Variants in COL25A1 observed in about 807,000 individuals in gnomAD.
The protein encoded by COL25A1 is collagen alpha-1(XXV) chain.
In COL25A1, 103 loss-of-function variants were observed where a neutral mutation model predicts 128.4. The ratio of observed to expected loss-of-function variants is 0.80; its 90% CI spans 0.68 to 0.94. The LOEUF is 0.94. COL25A1 is among the 40% of genes least tolerant of loss of function. COL25A1 has a pLI of 0.00. For synonymous variants in COL25A1, 279 were observed against 277.2 expected (o/e 1.01, Z -0.06); for missense variants, 745 against 840.0 (o/e 0.89, Z 1.40).
At chr4:109,097,458 C>T (rs62313720) in intron 3 of COL25A1, among the ~76,000 whole-genome samples, 5,380 of 143,688 alleles carry the variant, frequency 0.037, 150 homozygotes, top group Middle Eastern at 0.096. Context: ...AAAAAAACCA[C>T]AAAAATTAGC....
At chr4:109,076,656 A>T (rs565434876) in intron 3 of COL25A1, among the ~76,000 whole-genome samples, 1 of 151,972 alleles carries the variant, frequency 6.6e-6, no homozygotes, top group African/African-American at 2.4e-5. Flanking sequence ...GCACTTTATT[A>T]TATGGTGATA....
At chr4:108,833,313 C>G (rs1469378343) in intron 31 of COL25A1, among the ~76,000 whole-genome samples, 3 of 152,242 alleles carry the variant, frequency 2.0e-5, no homozygotes, top group African/African-American at 7.2e-5. Flanking sequence ...AGGCTTACAA[C>G]TCACAAACCA....
At chr4:109,268,138 T>C (rs1781915547) in intron 3 of COL25A1, among the ~76,000 whole-genome samples, 1 of 152,234 alleles carries the variant, frequency 6.6e-6, no homozygotes, top group African/African-American at 2.4e-5. Context: ...CAATATATTA[T>C]AAAGAGCACA....
intron 5 of COL25A1, among the ~76,000 whole-genome samples, chr4:109,012,130 A>G (rs1247371342): frequency 6.6e-6 from 1 of 152,206 alleles, no homozygotes; most frequent in Non-Finnish European, 1.5e-5. Context: ...CTTTGACTTC[A>G]GCCTCCCAAG....
At chr4:109,176,305 G>A (rs545149009) in intron 3 of COL25A1, among the ~76,000 whole-genome samples, 9 of 152,244 alleles carry the variant, frequency 5.9e-5, no homozygotes, top group African/African-American at 2.2e-4. Flanking sequence ...CAGGGGAATC[G>A]CTTGAACCTG....
At chr4:108,942,146 T>C (rs1748187377) in intron 8 of COL25A1, 3 of 1,507,074 alleles carry the variant, frequency 2.0e-6, no homozygotes, top group Non-Finnish European at 2.7e-6. Flanking sequence ...AATTGAATGG[T>C]TCCTGCTCAC....
intron 6 of COL25A1, among the ~76,000 whole-genome samples, chr4:108,981,991 C>G (rs1168253604): frequency 6.6e-6 from 1 of 152,026 alleles, no homozygotes; most frequent in Non-Finnish European, 1.5e-5. Flanking sequence ...GTCAGGAGTT[C>G]GAGACCAGCC....
chr4:109,029,447 C>T (rs146937236), intron 5 of COL25A1, among the ~76,000 whole-genome samples: 1 of 152,282 alleles, frequency 6.6e-6, no homozygotes, highest in Non-Finnish European at 1.5e-5. Flanking sequence ...CACATCATCA[C>T]AGGAAGGGCG....
rs558687763 is a variant in COL25A1, at chr4:109,069,339, G to A, written c.368-19160C>T. Among the ~76,000 whole-genome samples, 12 of 151,820 alleles carry A rather than the reference G, an allele frequency of 7.9e-5. No homozygotes were observed. The East Asian group carries it at 2.1e-3, about 27-fold the overall frequency. Reference sequence around the variant, plus strand: ...CAATTCTCTCACCTGAGCCTCCCCAGTAGTTGGGACAGCAGGCATGCACCA... The same window carrying A: ...CAATTCTCTCACCTGAGCCTCCCCAATAGTTGGGACAGCAGGCATGCACCA... On this transcript the variant is annotated intron_variant, in intron 3 of 37. Transcript: ENST00000399132.
At chr4:109,012,716 G>C (rs186039389) in intron 5 of COL25A1, among the ~76,000 whole-genome samples, 1 of 152,174 alleles carries the variant, frequency 6.6e-6, no homozygotes, top group Non-Finnish European at 1.5e-5. Context: ...CCTCTCCGCC[G>C]GGCAGGGCTC....
intron 5 of COL25A1, among the ~76,000 whole-genome samples, chr4:109,011,594 C>T (rs1386274936): frequency 6.6e-6 from 1 of 152,160 alleles, no homozygotes; most frequent in Non-Finnish European, 1.5e-5. Flanking sequence ...CTTATAACTG[C>T]CCTGAATTTT....
Position 108,838,534 on chromosome 4 carries a change from G to A in COL25A1, c.1656+3161C>T, listed in dbSNP as rs979260381. Among the ~76,000 whole-genome samples, 7 of 151,848 alleles carry A rather than the reference G, an allele frequency of 4.6e-5. No individual in the cohort carries two copies. In the East Asian group the frequency reaches 1.4e-3, roughly 29 times the overall value. ...AGTGGAGGATGCTGAAGAAGATTCG[G>A]TAGAAAAAAAAACCCACTCTGCTGG... is the stretch of plus-strand genomic sequence containing the variant. On this transcript the variant is annotated intron_variant, in intron 31 of 37. Transcript: ENST00000399132.
intron 3 of COL25A1, among the ~76,000 whole-genome samples, chr4:109,173,058 C>T (rs960296551): frequency 6.6e-6 from 1 of 152,072 alleles, no homozygotes; most frequent in Non-Finnish European, 1.5e-5. Context: ...TACAATTGGA[C>T]ATTATAGAAA....
At chr4:109,202,019 T>TC (rs1305634352) in intron 3 of COL25A1, among the ~76,000 whole-genome samples, 3 of 152,068 alleles carry the variant, frequency 2.0e-5, no homozygotes, top group Non-Finnish European at 4.4e-5. Flanking sequence ...AACAGAAAAC[T>TC]CAATATCCTT....
intron 8 of COL25A1, among the ~76,000 whole-genome samples, chr4:108,956,336 C>T (rs986198678): frequency 3.9e-5 from 6 of 152,256 alleles, no homozygotes; most frequent in African/African-American, 1.4e-4. Flanking sequence ...GAACAATCTA[C>T]ACAGATAATA....
chr4:109,191,442 G>C (rs1775614113), intron 3 of COL25A1, among the ~76,000 whole-genome samples: 1 of 152,096 alleles, frequency 6.6e-6, no homozygotes. Flanking sequence ...TGAAACACAG[G>C]GAGCTTGGCA....
chr4:109,294,948 C>T (rs1438172124), intron 3 of COL25A1, among the ~76,000 whole-genome samples: 3 of 151,984 alleles, frequency 2.0e-5, no homozygotes, highest in African/African-American at 7.3e-5. Context: ...TAGACCTAAG[C>T]CTGACATTCA....
chr4:109,116,900 T>G (rs1372355909), intron 3 of COL25A1, among the ~76,000 whole-genome samples: 1 of 151,858 alleles, frequency 6.6e-6, no homozygotes, highest in Non-Finnish European at 1.5e-5. Flanking sequence ...AGACAGGACA[T>G]GGCTGAGGAG....
chr4:108,966,851 AAAAGAAAAG>A (rs1192486518), intron 8 of COL25A1, among the ~76,000 whole-genome samples: 4 of 151,444 alleles, frequency 2.6e-5, no homozygotes, highest in Non-Finnish European at 4.4e-5. Flanking sequence ...ACCCTGTCTT[AAAAGAAAAG>A]AAAGAAAAGA....
Sources: allele counts gnomAD v4.1 joint callset (sites outside exome capture counted in the v4.1 genomes callset), GRCh38; gene constraint gnomAD v4.1.1; transcripts MANE v1.5; gene names NCBI Gene and HGNC (gene_info 2026-07-23, HGNC 2026-07-21).